Variants in FNIP2 observed in about 807,000 individuals in gnomAD.
FNIP2 encodes folliculin-interacting protein 2.
FNIP2 carries 32 observed loss-of-function variants against 108.7 expected under a neutral mutation model. The observed-to-expected ratio is 0.29, with a 90% confidence interval of 0.22 to 0.40. The LOEUF is 0.40. FNIP2 is among the 10% of genes least tolerant of loss of function. FNIP2 has a pLI of 1.00. For synonymous variants in FNIP2, 480 were observed against 496.7 expected (o/e 0.97, Z 0.45); for missense variants, 1,202 against 1,381.6 (o/e 0.87, Z 2.06).
rs1185527431 is a variant in FNIP2 at position 158,906,297 on chromosome 4, C to T, written c.*1753C>T. 1 of 152,192 alleles carries T rather than the reference C, an allele frequency of 6.6e-6. No homozygotes were observed. The highest frequency in any genetic ancestry group is 2.4e-5 in the African/African-American group (1 of 41,444). The allele number at this position is 152,192 out of a possible 1,614,324, so 9.4% of individuals were successfully genotyped here. On this transcript the variant is annotated 3_prime_UTR_variant, in exon 17 of 17. Coordinates refer to ENST00000264433, the MANE Select transcript of FNIP2 (RefSeq NM_020840.3). ...ATTACGTGTAAATAAACTGTCAGAG[C>T]TGATGTTACAGCTTTTACAGTTTAA...
chr4:158,880,476 G>T lies in FNIP2; in HGVS notation c.2949+10007G>T, dbSNP rs1397635681. 1.3e-5 allele frequency among the ~76,000 whole-genome samples: 2 copies of T among 152,134 alleles called. 1 individual carries two copies. Among genetic ancestry groups the T allele is most frequent in the Admixed American group, 1.3e-4 (2 of 15,280 alleles). On this transcript the variant is annotated intron_variant, in intron 14 of 16. Coordinates refer to ENST00000264433, the MANE Select transcript of FNIP2 (RefSeq NM_020840.3). ...GGAGTGGGGAGGGATAGCATTAGGA[G>T]ATATACCTAATGTAAATGACGAGTT...
At position 158,769,286 on chromosome 4, in the gene FNIP2, A is replaced by G; in HGVS notation, c.74A>G (p.Gln25Arg). The G allele has an allele frequency of 2.0e-6, 3 of 1,537,982 alleles. No homozygotes were observed. Among genetic ancestry groups the G allele is most frequent in the South Asian group, 1.2e-5 (1 of 83,376 alleles). The change falls in exon 1 of 17, where the codon CAG (glutamine) becomes CGG (arginine). Residue 25 changes from glutamine (Q) to arginine (R), a missense_variant. Gln to Arg is a conservative substitution (Grantham distance 43, BLOSUM62 1). Around this residue, in one of 5 missense-constraint regions of FNIP2, gnomAD observed 173 missense variants for 165.9 expected, o/e 1.04. Transcript: ENST00000264433. ...GGCAGCTCCGCGGCGGCGTCTGCCC[A>G]GGGCAGGGCTCCTAAGGAAGGACCC... ...SSGSSAAASA[Q>R]GRAPKEGPAF...
chr4:158,812,072 A>G (rs1427328979), intron 1 of FNIP2, among the ~76,000 whole-genome samples: 2 of 152,156 alleles, frequency 1.3e-5, no homozygotes, highest in Non-Finnish European at 2.9e-5. Context: ...GTACTGGTGG[A>G]TGGTTTAGCG....
chr4:158,905,567 AT>A lies in FNIP2; in HGVS notation c.*1024del, dbSNP rs760385273. 6.6e-6 allele frequency: 1 copy of A among 152,176 alleles called. No individual in the cohort carries two copies. The highest frequency in any genetic ancestry group is 1.5e-5 in the Non-Finnish European group (1 of 68,036). The allele number at this position is 152,176 out of a possible 1,614,324, so 9.4% of individuals were successfully genotyped here. On this transcript the variant is annotated 3_prime_UTR_variant, in exon 17 of 17. Transcript: ENST00000264433. Reference sequence around the variant, plus strand: ...GCTTGAACATTTAGAAAAAATTCATATATGATCTAAATTTTTATATTATCAT... The same window carrying A: ...GCTTGAACATTTAGAAAAAATTCATAATGATCTAAATTTTTATATTATCAT...
At chr4:158,869,728 T>A (rs549763532) in intron 13 of FNIP2, among the ~76,000 whole-genome samples, 1 of 152,016 alleles carries the variant, frequency 6.6e-6, no homozygotes, top group South Asian at 2.1e-4. Context: ...GGGGAGGGAA[T>A]AGGGAGTTTA....
intron 2 of FNIP2, among the ~76,000 whole-genome samples, chr4:158,828,614 C>CACAA (rs1181550900): frequency 1.3e-5 from 2 of 152,080 alleles, no homozygotes; most frequent in African/African-American, 2.4e-5. Context: ...GACTCCATCT[C>CACAA]ACAAACAAAC....
At chr4:158,818,697 G>A (rs1777710095) in intron 1 of FNIP2, among the ~76,000 whole-genome samples, 3 of 152,174 alleles carry the variant, frequency 2.0e-5, no homozygotes, top group Non-Finnish European at 4.4e-5. Flanking sequence ...CTAGCCCCAA[G>A]GCTCTCAGTT....
intron 16 of FNIP2, among the ~76,000 whole-genome samples, chr4:158,902,034 G>A (rs1729340648): frequency 1.3e-5 from 2 of 151,938 alleles, no homozygotes; most frequent in African/African-American, 4.8e-5. Flanking sequence ...TCCCTTGCTG[G>A]TGAGGAGCTG....
Position 158,870,468 on chromosome 4 carries a change from A to G in FNIP2, c.2948A>G (p.His983Arg), listed in dbSNP as rs753967125. 3.1e-6 allele frequency: 5 copies of G among 1,607,176 alleles called. No individual in the cohort carries two copies. The highest frequency in any genetic ancestry group is 4.5e-5 in the East Asian group (2 of 44,742). Residue 983 changes from histidine (H) to arginine (R), a missense_variant and splice_region_variant, in exon 14 of 17, where the codon CAT (histidine) becomes CGT (arginine). By Grantham distance (29) the His-to-Arg change is conservative. Coordinates refer to ENST00000264433, the MANE Select transcript of FNIP2 (RefSeq NM_020840.3). The part of the protein sequence containing the change: ...CLVADLVHTV[H>R]HPVLDEPIAE... ...GTGGCCGACCTTGTCCACACAGTCC[A>G]TGTAAGTGATCCCAGTGTGGAGCCT...
At chr4:158,834,810 T>A (rs536338584) in intron 6 of FNIP2, 1 of 152,440 alleles carries the variant, frequency 6.6e-6, no homozygotes, top group African/African-American at 2.4e-5. Flanking sequence ...AGAACATGAG[T>A]TTTTCTAAGT....
chr4:158,794,525 T>G (rs993792801), intron 1 of FNIP2: 1 of 152,294 alleles, frequency 6.6e-6, no homozygotes, highest in Non-Finnish European at 1.5e-5. Context: ...TGTGCAGGTT[T>G]GTTCATAGGT....
chr4:158,900,373 T>C (rs1381422831), intron 16 of FNIP2, among the ~76,000 whole-genome samples: 1 of 152,260 alleles, frequency 6.6e-6, no homozygotes, highest in Non-Finnish European at 1.5e-5. Flanking sequence ...GGTCCAGAGC[T>C]GAGTTCAAGT....
At chr4:158,806,349 G>C in intron 1 of FNIP2, 2 of 1,289,360 alleles carry the variant, frequency 1.6e-6, no homozygotes, top group Non-Finnish European at 2.0e-6. Flanking sequence ...GGATTTACAG[G>C]GCGCTTTTAT....
At chr4:158,862,996 C>T (rs1340564562) in intron 12 of FNIP2, among the ~76,000 whole-genome samples, 1 of 152,158 alleles carries the variant, frequency 6.6e-6, no homozygotes, top group East Asian at 1.9e-4. Flanking sequence ...CCATTAATTC[C>T]CTATGTTCAG....
At chr4:158,902,359 CTTCGTCCCAGAGGGGCACCCACCAGA>C (rs1202069715) in intron 16 of FNIP2, among the ~76,000 whole-genome samples, 1 of 152,186 alleles carries the variant, frequency 6.6e-6, no homozygotes, top group Non-Finnish European at 1.5e-5. Context: ...CCTCTGGAAG[CTTCGTCCCAGAGGGGCACCCACCAGA>C]TTCCAGCCAG....
chr4:158,872,735 T>TG (rs200002419), intron 14 of FNIP2: 13,529 of 830,010 alleles, frequency 0.016, 5 homozygotes, highest in Non-Finnish European at 0.018. Flanking sequence ...TATGGTAGTG[T>TG]TTTTTTTTTT....
chr4:158,863,293 GTT>G (rs2126685055), intron 12 of FNIP2, among the ~76,000 whole-genome samples: 1 of 152,322 alleles, frequency 6.6e-6, no homozygotes, highest in Admixed American at 6.5e-5. Flanking sequence ...GCATTTTATT[GTT>G]TTCATTCAGT....
intron 7 of FNIP2, among the ~76,000 whole-genome samples, chr4:158,838,937 T>C (rs1385014605): frequency 6.6e-6 from 1 of 152,160 alleles, no homozygotes; most frequent in African/African-American, 2.4e-5. Context: ...GAATTTAATG[T>C]TTTTCTCATG....
At chr4:158,846,839 A>G (rs1307585238) in intron 7 of FNIP2, among the ~76,000 whole-genome samples, 1 of 152,228 alleles carries the variant, frequency 6.6e-6, no homozygotes, top group Non-Finnish European at 1.5e-5. Context: ...ATAAAAATCA[A>G]AAATCAGGTG....
Sources: gnomAD v4.1 joint callset for allele counts (sites outside exome capture counted in the v4.1 genomes callset) on GRCh38, gnomAD v4.1.1 for gene constraint, gnomAD v4.1.1 regional missense constraint, MANE v1.5 for transcripts, NCBI Gene and HGNC (gene_info 2026-07-23, HGNC 2026-07-21) for gene names.